Variants in ZNF654 observed in about 807,000 individuals in gnomAD.
The protein encoded by ZNF654 is zinc finger protein 654, also known as melanoma-associated antigen.
ZNF654 carries 19 observed loss-of-function variants against 95.3 expected under a neutral mutation model. That is an observed-to-expected ratio of 0.20 (90% CI 0.14 to 0.29). ZNF654 has a LOEUF of 0.29. Among genes scored for constraint, ZNF654 ranks in the 10% least tolerant of loss-of-function variants. The probability of loss-of-function intolerance (pLI) is 1.00; values close to 1 mark genes in which losing one functional copy is unlikely to be tolerated. For missense variants in ZNF654, 1,046 were observed against 1,341.0 expected, an observed-to-expected ratio of 0.78 and a Z score of 3.44; for synonymous variants, 413 against 457.9, an observed-to-expected ratio of 0.90 and a Z score of 1.25.
chr3:88,115,622 T>G (rs2107776680), intron 3 of ZNF654, among the ~76,000 whole-genome samples: 1 of 152,344 alleles, frequency 6.6e-6, no homozygotes, highest in East Asian at 1.9e-4. Context: ...TCCTAAAATC[T>G]GAGTTGTTCA....
intron 1 of ZNF654, among the ~76,000 whole-genome samples, chr3:88,071,523 G>C (rs1707510325): frequency 6.6e-6 from 1 of 152,200 alleles, no homozygotes; most frequent in African/African-American, 2.4e-5. Flanking sequence ...GCGGGCGCCT[G>C]TAGTCCCAGC....
At chr3:88,101,934 T>C (rs1028983102) in intron 2 of ZNF654, among the ~76,000 whole-genome samples, 13 of 152,176 alleles carry the variant, frequency 8.5e-5, no homozygotes, top group African/African-American at 3.1e-4. Flanking sequence ...TTTTGTATGC[T>C]TTGCTATTTT....
intron 2 of ZNF654, among the ~76,000 whole-genome samples, chr3:88,109,416 T>C (rs7650707): frequency 0.78 from 119,027 of 151,924 alleles, 47,543 homozygotes; most frequent in South Asian, 0.91. Context: ...TAAGAGTTTA[T>C]TATATTATTG....
At chr3:88,118,624 A>T (rs1705561817) in intron 3 of ZNF654, among the ~76,000 whole-genome samples, 3 of 152,186 alleles carry the variant, frequency 2.0e-5, no homozygotes, top group Admixed American at 2.0e-4. Context: ...CCAAAGACTT[A>T]ATTTGGGAAG....
At chr3:88,103,695 C>T (rs1248796105) in intron 2 of ZNF654, among the ~76,000 whole-genome samples, 2 of 148,876 alleles carry the variant, frequency 1.3e-5, no homozygotes, top group Non-Finnish European at 3.0e-5. Context: ...GACATCTCTT[C>T]AGAAATTGCA....
chr3:88,116,581 C>T (rs1705416708), intron 3 of ZNF654, among the ~76,000 whole-genome samples: 1 of 150,642 alleles, frequency 6.6e-6, no homozygotes, highest in Admixed American at 6.6e-5. Context: ...CACACACATG[C>T]ACATATATTA....
At chr3:88,106,985 C>T (rs1704781197) in intron 2 of ZNF654, among the ~76,000 whole-genome samples, 1 of 152,072 alleles carries the variant, frequency 6.6e-6, no homozygotes, top group Non-Finnish European at 1.5e-5. Flanking sequence ...GTTCGTGTGC[C>T]AACACAATGT....
chr3:88,099,231 A>G lies in ZNF654; in HGVS notation c.332+12829A>G, dbSNP rs190272726. Among the ~76,000 whole-genome samples, 1,261 of 152,316 alleles carry G rather than the reference A, an allele frequency of 8.3e-3. 10 individuals carry two copies. Among genetic ancestry groups the G allele is most frequent in the African/African-American group, 0.029 (1,219 of 41,564 alleles). On this transcript the variant is annotated intron_variant, in intron 2 of 8. Transcript: ENST00000636215. ...AATCATGAGTGAACTCCCATTCACA[A>G]TTGCTACAAAGAGAATAAAATACCT... is the stretch of plus-strand genomic sequence containing the variant.
At chr3:88,091,215 A>G (rs938976585) in intron 2 of ZNF654, among the ~76,000 whole-genome samples, 3 of 152,214 alleles carry the variant, frequency 2.0e-5, no homozygotes, top group Non-Finnish European at 4.4e-5. Flanking sequence ...TGACTGTACT[A>G]TGTTAGCTGC....
chr3:88,131,313 C>T (rs1445560686), intron 6 of ZNF654, among the ~76,000 whole-genome samples: 2 of 152,022 alleles, frequency 1.3e-5, no homozygotes, highest in African/African-American at 2.4e-5. Flanking sequence ...TGTTACACTG[C>T]GTATAACTGT....
chr3:88,076,114 C>T (rs1264312715), intron 1 of ZNF654, among the ~76,000 whole-genome samples: 1 of 152,182 alleles, frequency 6.6e-6, no homozygotes, highest in African/African-American at 2.4e-5. Context: ...AAGGTAATCT[C>T]CCTGCTTTTT....
intron 1 of ZNF654, among the ~76,000 whole-genome samples, chr3:88,085,008 A>G (rs1708262445): frequency 6.6e-6 from 1 of 152,184 alleles, no homozygotes. Context: ...CTCTGGAGGG[A>G]GACAGCATCT....
At chr3:88,072,761 T>A (rs1044123774) in intron 1 of ZNF654, among the ~76,000 whole-genome samples, 3 of 152,120 alleles carry the variant, frequency 2.0e-5, no homozygotes, top group Non-Finnish European at 4.4e-5. Flanking sequence ...CACAAAAAAA[T>A]GAAAGCATCA....
At chr3:88,126,294 A>G in intron 4 of ZNF654, 25 bp downstream of exon 4, 1 of 1,443,206 alleles carries the variant, frequency 6.9e-7, no homozygotes, top group South Asian at 1.5e-5. Context: ...TCAAAATCAA[A>G]CCAACATTTG....
chr3:88,130,486 G>A (rs1706383508), intron 6 of ZNF654, among the ~76,000 whole-genome samples: 1 of 151,892 alleles, frequency 6.6e-6, no homozygotes, highest in South Asian at 2.1e-4. Flanking sequence ...GGGTTTCACT[G>A]TGTCTCTCAG....
chr3:88,100,817 G>T (rs1302986177), intron 2 of ZNF654, among the ~76,000 whole-genome samples: 1 of 152,192 alleles, frequency 6.6e-6, no homozygotes, highest in African/African-American at 2.4e-5. Context: ...TCATGGGGTG[G>T]GGAAAGCGGG....
intron 2 of ZNF654, among the ~76,000 whole-genome samples, chr3:88,112,253 CTA>C (rs1705136055): frequency 6.7e-6 from 1 of 148,298 alleles, no homozygotes; most frequent in East Asian, 2.0e-4. Context: ...TAATTTTAGT[CTA>C]TTAGTGATTT....
At chr3:88,114,242 G>A in intron 3 of ZNF654, among the ~76,000 whole-genome samples, 1 of 152,118 alleles carries the variant, frequency 6.6e-6, no homozygotes, top group East Asian at 1.9e-4. Flanking sequence ...GATAGTGCTG[G>A]CATGGTGATA....
intron 2 of ZNF654, among the ~76,000 whole-genome samples, chr3:88,103,704 C>T (rs1704565753): frequency 6.7e-6 from 1 of 148,576 alleles, no homozygotes; most frequent in Non-Finnish European, 1.5e-5. Context: ...TCAGAAATTG[C>T]AAGTTAAAAC....
Sources: gnomAD v4.1 joint callset for allele counts (sites outside exome capture counted in the v4.1 genomes callset) on GRCh38, gnomAD v4.1.1 for gene constraint, MANE v1.5 for transcripts, NCBI Gene and HGNC (gene_info 2026-07-23, HGNC 2026-07-21) for gene names.